MUC7: variants seen among roughly 807,000 people sequenced by gnomAD.
The protein encoded by MUC7 is mucin 7, secreted, also known as mucin-7.
A neutral mutation model predicts 2.5 loss-of-function variants in MUC7; 2 were observed. The observed-to-expected ratio is 0.81, with a 90% CI of 0.33 to 2.55. The LOEUF is 2.55. Ranked by LOEUF, MUC7 falls within the 30% of genes most tolerant of loss-of-function variation. MUC7 has a pLI of 0.11. For synonymous variants in MUC7, 133 were observed against 173.4 expected, an observed-to-expected ratio of 0.77 and a Z score of 1.83; for missense variants, 408 against 455.6, an observed-to-expected ratio of 0.90 and a Z score of 0.95.
At chr4:70,464,562 G>C (rs1734634592) in intron 1 of MUC7, among the ~76,000 whole-genome samples, 1 of 152,134 alleles carries the variant, frequency 6.6e-6, no homozygotes, top group Non-Finnish European at 1.5e-5. Flanking sequence ...CGTGGTCGGG[G>C]GAGGGGAATC....
intron 1 of MUC7, among the ~76,000 whole-genome samples, chr4:70,460,988 G>T (rs1464069363): frequency 6.6e-6 from 1 of 152,176 alleles, no homozygotes; most frequent in Non-Finnish European, 1.5e-5. Flanking sequence ...GTGGGTAGAG[G>T]ATCTCTCCCA....
chr4:70,449,938 C>G (rs193057299), intron 1 of MUC7, among the ~76,000 whole-genome samples: 2 of 152,334 alleles, frequency 1.3e-5, no homozygotes, highest in East Asian at 3.9e-4. Flanking sequence ...AAGGCCTGCT[C>G]TAACCACTCC....
chr4:70,471,597 T>C (rs41362345), upstream of MUC7, among the ~76,000 whole-genome samples: 865 of 152,320 alleles, frequency 5.7e-3, 11 homozygotes, highest in African/African-American at 0.02. Context: ...TTAAGAATTA[T>C]GAAAACCAGG....
chr4:70,458,029 AG>A (rs199640798), intron 1 of MUC7, among the ~76,000 whole-genome samples: 25 of 152,152 alleles, frequency 1.6e-4, no homozygotes, highest in Non-Finnish European at 2.9e-4. Flanking sequence ...AGTTAGCATG[AG>A]GGAAAAAAAA....
intron 1 of MUC7, among the ~76,000 whole-genome samples, chr4:70,457,478 A>G (rs1734443299): frequency 6.6e-6 from 1 of 152,116 alleles, no homozygotes; most frequent in Non-Finnish European, 1.5e-5. Context: ...TTATGACAAA[A>G]ATTAAAACTA....
intron 1 of MUC7, among the ~76,000 whole-genome samples, chr4:70,456,757 A>G (rs1019292602): frequency 2.0e-5 from 3 of 152,208 alleles, no homozygotes; most frequent in Admixed American, 6.6e-5. Context: ...GGGAAAACAA[A>G]AAGTTGTGAA....
chr4:70,467,805 A>C (rs1381558297), upstream of MUC7, among the ~76,000 whole-genome samples: 12 of 152,222 alleles, frequency 7.9e-5, no homozygotes, highest in Admixed American at 7.9e-4. Flanking sequence ...GACCAGACAG[A>C]TTCACAGCCA....
At chr4:70,437,482 T>C (rs1733877390) in intron 1 of MUC7, among the ~76,000 whole-genome samples, 3 of 152,220 alleles carry the variant, frequency 2.0e-5, no homozygotes, top group Admixed American at 6.5e-5. Context: ...CTCAGACTGC[T>C]GTACTAGCAG....
chr4:70,432,466 G>A (rs1443039203), intron 1 of MUC7, among the ~76,000 whole-genome samples: 1 of 152,184 alleles, frequency 6.6e-6, no homozygotes, highest in Non-Finnish European at 1.5e-5. Context: ...GTATCTGGTT[G>A]TGGTTTTGAT....
intron 1 of MUC7, among the ~76,000 whole-genome samples, chr4:70,431,432 G>T (rs1190510959): frequency 6.6e-6 from 1 of 151,554 alleles, no homozygotes; most frequent in African/African-American, 2.4e-5. Context: ...GAAGTCAGAG[G>T]GTATTTTTCA....
At chr4:70,448,253 T>G (rs1183272794) in intron 1 of MUC7, among the ~76,000 whole-genome samples, 1 of 152,140 alleles carries the variant, frequency 6.6e-6, no homozygotes, top group Non-Finnish European at 1.5e-5. Flanking sequence ...TATATGGGAG[T>G]GCAGATATCT....
chr4:70,459,113 C>G lies in MUC7; in HGVS notation c.-92-13102C>G, dbSNP rs183987777. ...TTTAACATGCATTTTCTCAGCAAATCAGATGACAAAAAATAAGGATACAGA... is the reference window on the plus strand; with the variant it reads ...TTTAACATGCATTTTCTCAGCAAATGAGATGACAAAAAATAAGGATACAGA... On this transcript the variant is annotated intron_variant, in intron 1 of 3. Transcript: ENST00000413702. 1.8e-3 allele frequency among the ~76,000 whole-genome samples: 276 copies of G among 152,118 alleles called. 1 individual carries two copies. The highest frequency in any genetic ancestry group is 6.2e-3 in the African/African-American group (258 of 41,516).
chr4:70,458,182 C>A (rs1187582886), intron 1 of MUC7, among the ~76,000 whole-genome samples: 1 of 151,772 alleles, frequency 6.6e-6, no homozygotes, highest in African/African-American at 2.4e-5. Context: ...ATTAGAAAAC[C>A]TTAAATGCAT....
At chr4:70,456,857 A>G (rs753331887) in intron 1 of MUC7, among the ~76,000 whole-genome samples, 5 of 152,204 alleles carry the variant, frequency 3.3e-5, no homozygotes, top group Non-Finnish European at 7.3e-5. Context: ...TATATTATGC[A>G]GTTGGGGTTA....
At chr4:70,463,888 C>T (rs569234915) in intron 1 of MUC7, among the ~76,000 whole-genome samples, 2 of 152,308 alleles carry the variant, frequency 1.3e-5, no homozygotes, top group South Asian at 2.1e-4. Context: ...ACTGAGATGA[C>T]TGTTCTATGC....
Position 70,481,168 on chromosome 4 carries a change from A to C in MUC7, c.424A>C (p.Arg142=). 1 of 1,614,188 alleles carries C rather than the reference A, an allele frequency of 6.2e-7. No individual in the cohort carries two copies. Among genetic ancestry groups the C allele is most frequent in the Middle Eastern group, 1.6e-4 (1 of 6,062 alleles). ...LPQNATTISS[R]ENVNTSSSVA... is the part of the protein sequence containing the mutation. ...CCAGAATGCCACCACCATATCTTCA[A>C]GAGAAAATGTTAACACAAGCTCTTC... Residue 142 remains arginine (R), a synonymous_variant, in exon 3 of 3, where the codon AGA becomes CGA. Coordinates refer to ENST00000304887, the MANE Select transcript of MUC7 (RefSeq NM_152291.3).
intron 1 of MUC7, among the ~76,000 whole-genome samples, chr4:70,447,664 A>T (rs1405442677): frequency 1.3e-5 from 2 of 152,158 alleles, no homozygotes; most frequent in Non-Finnish European, 2.9e-5. Context: ...TTTTGTGAAT[A>T]CATAAGGTGT....
chr4:70,468,576 A>G (rs1560555034), upstream of MUC7, among the ~76,000 whole-genome samples: 1 of 152,228 alleles, frequency 6.6e-6, no homozygotes, highest in Non-Finnish European at 1.5e-5. Context: ...AGGCTACAAA[A>G]TCAATGGGCA....
intron 1 of MUC7, among the ~76,000 whole-genome samples, chr4:70,441,139 G>C (rs1050533425): frequency 6.6e-6 from 1 of 152,140 alleles, no homozygotes; most frequent in Non-Finnish European, 1.5e-5. Flanking sequence ...TCTGGAAATT[G>C]AGTAGAGAAG....
Sources: gnomAD v4.1 joint callset for allele counts (sites outside exome capture counted in the v4.1 genomes callset) on GRCh38, gnomAD v4.1.1 for gene constraint, MANE v1.5 for transcripts, NCBI Gene and HGNC (gene_info 2026-07-23, HGNC 2026-07-21) for gene names.